Variants in MAK observed in about 807,000 individuals in gnomAD.
MAK encodes serine/threonine-protein kinase MAK.
A neutral mutation model predicts 82.6 loss-of-function variants in MAK; 65 were observed. That is an observed-to-expected ratio of 0.79 (90% CI 0.64 to 0.97). The LOEUF (loss-of-function observed/expected upper bound fraction) is 0.97. Among genes scored for constraint, MAK ranks in the 50% least tolerant of loss-of-function variants. The pLI is 0.00. For missense variants in MAK, 703 were observed against 780.2 expected (o/e 0.90, Z 1.18); for synonymous variants, 250 against 274.2 (o/e 0.91, Z 0.87).
At chr6:10,814,747 G>C (rs1299400285) in intron 4 of MAK, among the ~76,000 whole-genome samples, 1 of 151,326 alleles carries the variant, frequency 6.6e-6, no homozygotes, top group East Asian at 2.0e-4. Context: ...GTGTTGTCCA[G>C]TAGAAATATA....
chr6:10,791,943 TC>T, intron 9 of MAK, 96 bp from the exon 10 acceptor site: 1 of 1,325,048 alleles, frequency 7.5e-7, no homozygotes, highest in Admixed American at 1.7e-5. Context: ...CAGTCCCCAT[TC>T]TCAAGGAGCG....
intron 4 of MAK, 77 bp downstream of exon 4, chr6:10,817,773 C>A: frequency 8.5e-7 from 1 of 1,181,552 alleles, no homozygotes; most frequent in Non-Finnish European, 1.2e-6. Flanking sequence ...ATCTTTCTCT[C>A]ATAAAGTATG....
intron 10 of MAK, among the ~76,000 whole-genome samples, chr6:10,788,203 G>A (rs959423626): frequency 6.6e-6 from 1 of 151,620 alleles, no homozygotes; most frequent in Admixed American, 6.6e-5. Flanking sequence ...TATTGCCCAG[G>A]CTGGTCTCAA....
intron 12 of MAK, among the ~76,000 whole-genome samples, chr6:10,773,403 C>T (rs938546433): frequency 1.3e-4 from 20 of 152,038 alleles, no homozygotes; most frequent in African/African-American, 2.4e-4. Context: ...TGTATGACAC[C>T]GCAGCGACAT....
intron 9 of MAK, among the ~76,000 whole-genome samples, chr6:10,794,539 C>G (rs1338813744): frequency 1.3e-5 from 2 of 152,126 alleles, no homozygotes; most frequent in Non-Finnish European, 2.9e-5. Context: ...GAAATAGATA[C>G]AGTGCTGTAT....
At chr6:10,777,924 C>T (rs1022860772) in intron 11 of MAK, among the ~76,000 whole-genome samples, 1 of 152,294 alleles carries the variant, frequency 6.6e-6, no homozygotes, top group Non-Finnish European at 1.5e-5. Context: ...AGGTATGAGC[C>T]ACCTCGCCTG....
intron 10 of MAK, among the ~76,000 whole-genome samples, chr6:10,787,802 A>G (rs1336787383): frequency 6.6e-6 from 1 of 150,968 alleles, no homozygotes; most frequent in Non-Finnish European, 1.5e-5. Flanking sequence ...CGGAGCTTGC[A>G]GTGAGCTGAG....
intron 8 of MAK, among the ~76,000 whole-genome samples, chr6:10,798,769 T>G (rs1194119227): frequency 6.6e-6 from 1 of 151,850 alleles, no homozygotes; most frequent in Non-Finnish European, 1.5e-5. Context: ...TATTCCAAAT[T>G]AAAGATGCAC....
At chr6:10,779,372 C>G (rs1358910337) in intron 11 of MAK, 1 of 985,162 alleles carries the variant, frequency 1.0e-6, no homozygotes, top group Non-Finnish European at 1.2e-6. Flanking sequence ...TTACAGAAAA[C>G]AGAATCTTGC....
chr6:10,808,979 C>A (rs1776714627), intron 5 of MAK, 37 bp from the exon 6 acceptor site: 2 of 1,558,324 alleles, frequency 1.3e-6, no homozygotes, highest in African/African-American at 1.4e-5. Context: ...TACAGTAAAT[C>A]ATTACGTTTA....
At chr6:10,804,158 T>C (rs924290101) in intron 6 of MAK, among the ~76,000 whole-genome samples, 2 of 152,126 alleles carry the variant, frequency 1.3e-5, no homozygotes, top group African/African-American at 4.8e-5. Context: ...TGAATAGATA[T>C]GGAAATAAGT....
chr6:10,829,120 G>A (rs540892994), intron 2 of MAK: 1 of 152,304 alleles, frequency 6.6e-6, no homozygotes, highest in East Asian at 1.9e-4. Context: ...GAGAACCCAA[G>A]CCAGAACTAC....
At chr6:10,829,834 G>A (rs1562007870) in intron 2 of MAK, among the ~76,000 whole-genome samples, 3 of 151,774 alleles carry the variant, frequency 2.0e-5, no homozygotes, top group Middle Eastern at 3.4e-3. Flanking sequence ...TTCTGTGCTC[G>A]TATATATTCT....
At chr6:10,796,595 C>CAGGAGTTCA (rs1329621334) in intron 8 of MAK, among the ~76,000 whole-genome samples, 1 of 152,156 alleles carries the variant, frequency 6.6e-6, no homozygotes, top group African/African-American at 2.4e-5. Flanking sequence ...CACTTGCGGT[C>CAGGAGTTCA]AGGAGTTCAA....
At chr6:10,780,073 G>A (rs1773825335) in intron 11 of MAK, among the ~76,000 whole-genome samples, 1 of 152,192 alleles carries the variant, frequency 6.6e-6, no homozygotes, top group Admixed American at 6.5e-5. Context: ...CCAGGTGACT[G>A]AACTGAGCCT....
At chr6:10,773,141 TAGTA>T (rs1196582317) in intron 12 of MAK, 33 bp from the exon 13 acceptor site, 42 of 1,169,838 alleles carry the variant, frequency 3.6e-5, no homozygotes, top group Non-Finnish European at 4.8e-5. Context: ...GAAAGAATAA[TAGTA>T]AGGAGAATGT....
chr6:10,807,336 C>CTT (rs35237927), intron 6 of MAK, among the ~76,000 whole-genome samples: 1,413 of 73,722 alleles, frequency 0.019, 49 homozygotes, highest in African/African-American at 0.061. Flanking sequence ...ACATATATTC[C>CTT]TTTTTTTTTT....
chr6:10,775,334 T>G lies in MAK; in HGVS notation c.1591A>C (p.Asn531His), dbSNP rs945583313. The G allele has an allele frequency of 1.9e-6, 3 of 1,613,490 alleles. No homozygotes were observed. The Admixed American group carries it at 5.0e-5, about 27-fold the overall frequency. Residue 531 changes from asparagine to histidine, a missense_variant, in exon 12 of 15, where the codon AAT becomes CAT. Asn to His is a moderately conservative substitution (Grantham distance 68). Transcript: ENST00000354489. ...VGAELAFKRS[N>H]AEESIIKPIE... ...TTTTGTATTCTTGCGTTACCTGCATTGCTCCTTTTGAAAGCAAGTTCTGCC... is the reference window on the plus strand; with the variant it reads ...TTTTGTATTCTTGCGTTACCTGCATGGCTCCTTTTGAAAGCAAGTTCTGCC...
At chr6:10,831,188 T>G (rs1413325633) in intron 1 of MAK, among the ~76,000 whole-genome samples, 1 of 152,228 alleles carries the variant, frequency 6.6e-6, no homozygotes, top group African/African-American at 2.4e-5. Context: ...AATTGATGTC[T>G]ATATGATATC....
Sources: gnomAD v4.1 joint callset for allele counts (sites outside exome capture counted in the v4.1 genomes callset) on GRCh38, gnomAD v4.1.1 for gene constraint, MANE v1.5 for transcripts, NCBI Gene and HGNC (gene_info 2026-07-23, HGNC 2026-07-21) for gene names.